Variants in CPN1 observed in about 807,000 individuals in gnomAD.
CPN1 encodes carboxypeptidase N catalytic chain.
CPN1 carries 37 observed loss-of-function variants against 46.4 expected under a neutral mutation model. The ratio of observed to expected loss-of-function variants is 0.80; its 90% confidence interval spans 0.61 to 1.05. The LOEUF is 1.05. Among genes scored for constraint, CPN1 ranks in the 50% least tolerant of loss-of-function variants. The pLI is 0.00. For synonymous variants in CPN1, 224 were observed against 235.4 expected, an observed-to-expected ratio of 0.95 and a Z score of 0.44; for missense variants, 563 against 602.6, an observed-to-expected ratio of 0.93 and a Z score of 0.69.
chr10:100,063,474 G>C (rs2041433082), intron 5 of CPN1, 140 bp downstream of exon 5: 1 of 734,414 alleles, frequency 1.4e-6, no homozygotes, highest in Non-Finnish European at 2.5e-6. Flanking sequence ...GCCAACCTGA[G>C]ACTTCCTCAT....
In CPN1 at chr10:100,057,632, G is replaced by A. The variant is rs556259446; in HGVS notation, c.872-480C>T. On this transcript the variant is annotated intron_variant, in intron 5 of 8. Transcript: ENST00000370418. ...TACTGTGGCGGGTAGGCCTAGTACT[G>A]TAGGGGTAATGAATGAAGCGAATAA... Among the ~76,000 whole-genome samples the A allele has an allele frequency of 5.1e-4, 77 of 152,284 alleles. No homozygotes were observed. The South Asian group carries it at 0.014, about 28-fold the overall frequency.
chr10:100,073,071 T>C (rs1268736231), intron 2 of CPN1, among the ~76,000 whole-genome samples: 2 of 152,224 alleles, frequency 1.3e-5, no homozygotes, highest in Non-Finnish European at 2.9e-5. Context: ...AGATTACATT[T>C]TTTTCTAAGA....
chr10:100,055,012 C>T (rs923706682), intron 6 of CPN1, among the ~76,000 whole-genome samples: 4 of 151,686 alleles, frequency 2.6e-5, no homozygotes, highest in African/African-American at 4.8e-5. Context: ...CCGAGGTGGG[C>T]GGATCACCTG....
chr10:100,065,902 C>A (rs1253817351), intron 3 of CPN1, among the ~76,000 whole-genome samples: 1 of 151,578 alleles, frequency 6.6e-6, no homozygotes, highest in Non-Finnish European at 1.5e-5. Context: ...CCTAAAACTA[C>A]CCTAAAAAAT....
At chr10:100,081,302 G>A (rs2041543343) in intron 1 of CPN1, 101 bp downstream of exon 1, 2 of 965,546 alleles carry the variant, frequency 2.1e-6, no homozygotes, top group Non-Finnish European at 3.2e-6. Context: ...ATACCTTGTA[G>A]GCGGAGGCGT....
intron 8 of CPN1, among the ~76,000 whole-genome samples, chr10:100,044,688 A>T (rs2041297823): frequency 6.7e-6 from 1 of 149,802 alleles, no homozygotes; most frequent in East Asian, 2.0e-4. Context: ...GACATTTTAA[A>T]GCTGGAAACT....
At chr10:100,044,081 A>C (rs1348372919) in intron 8 of CPN1, among the ~76,000 whole-genome samples, 1 of 152,052 alleles carries the variant, frequency 6.6e-6, no homozygotes, top group East Asian at 1.9e-4. Flanking sequence ...GGAGTTAAAA[A>C]ACATGTCACT....
chr10:100,064,333 TTAA>T (rs1399077338), intron 4 of CPN1, among the ~76,000 whole-genome samples: 2 of 149,878 alleles, frequency 1.3e-5, no homozygotes, highest in Non-Finnish European at 3.0e-5. Flanking sequence ...CTTAATATCA[TTAA>T]TGTTTATTTA....
chr10:100,080,633 G>A (rs1343092813), intron 1 of CPN1, among the ~76,000 whole-genome samples: 1 of 152,168 alleles, frequency 6.6e-6, no homozygotes, highest in Non-Finnish European at 1.5e-5. Context: ...GGTGGCTCAC[G>A]CCTGTAATCC....
chr10:100,076,156 C>T (rs761119505), intron 1 of CPN1, 49 bp from the exon 2 acceptor site: 1 of 1,577,010 alleles, frequency 6.3e-7, no homozygotes, highest in Non-Finnish European at 8.7e-7. Flanking sequence ...TCATTGATGC[C>T]TAACCTTGCA....
intron 5 of CPN1, among the ~76,000 whole-genome samples, chr10:100,062,810 A>C: frequency 6.7e-6 from 1 of 149,500 alleles, no homozygotes. Context: ...TATGATGCCC[A>C]GGCTGGTCTC....
chr10:100,080,754 G>T (rs929580366), intron 1 of CPN1, among the ~76,000 whole-genome samples: 1 of 152,096 alleles, frequency 6.6e-6, no homozygotes, highest in Non-Finnish European at 1.5e-5. Context: ...TTAGCCGGGC[G>T]TATTGGTGCA....
Position 100,048,833 on chromosome 10 carries a change from G to T in CPN1, c.1155C>A (p.Tyr385Ter). 1.9e-6 allele frequency: 3 copies of T among 1,613,984 alleles called. No individual in the cohort carries two copies. The African/African-American group carries it at 4.0e-5, about 22-fold the overall frequency. The change falls in exon 8 of 9, where the codon TAC becomes TAA. Residue 385 changes from tyrosine to a stop codon, truncating the protein, a stop_gained. Coordinates refer to ENST00000370418, the MANE Select transcript of CPN1 (RefSeq NM_001308.3). LOFTEE classifies it high-confidence loss of function. ...ACCCAGGTGCTGTGGCACTAACAGT[G>T]TAGATACCTGGAAGCAGCAGCCGGA... ...DYFRLLLPGI[Y>*]TVSATAPGYD...
At chr10:100,078,580 C>T (rs1042853371) in intron 1 of CPN1, among the ~76,000 whole-genome samples, 1 of 152,106 alleles carries the variant, frequency 6.6e-6, no homozygotes, top group African/African-American at 2.4e-5. Flanking sequence ...CTTTGTGGGC[C>T]GTGATGTCTC....
Position 100,047,072 on chromosome 10 carries a change from GA to G in CPN1, c.1230+1685del, listed in dbSNP as rs554255243. 5.7e-3 allele frequency among the ~76,000 whole-genome samples: 781 copies of G among 136,702 alleles called. 3 individuals carry two copies. Among genetic ancestry groups the G allele is most frequent in the Middle Eastern group, 0.046 (12 of 262 alleles). The allele number at this position is 136,702 out of a possible 152,430, so 89.7% of individuals were successfully genotyped here. On this transcript the variant is annotated intron_variant, in intron 8 of 8. Coordinates refer to ENST00000370418, the MANE Select transcript of CPN1 (RefSeq NM_001308.3). ...CTGGGTGGCAGAGCGAGACTCTGTC[GA>G]AAAAAAAAAAAAATTAGCTGGACAT...
intron 8 of CPN1, among the ~76,000 whole-genome samples, chr10:100,047,980 G>A (rs1386591805): frequency 5.9e-5 from 9 of 151,920 alleles, no homozygotes; most frequent in East Asian, 1.9e-4. Flanking sequence ...CAACAAGAGC[G>A]AAACCCCCTC....
At chr10:100,077,039 GC>G (rs1285665660) in intron 1 of CPN1, among the ~76,000 whole-genome samples, 3 of 152,036 alleles carry the variant, frequency 2.0e-5, no homozygotes, top group Non-Finnish European at 4.4e-5. Flanking sequence ...AAAAGCTCTT[GC>G]CAAATGATTT....
In CPN1 at chr10:100,065,342, C is replaced by G; in HGVS notation, c.605G>C (p.Arg202Pro). Reference sequence around the variant, plus strand: ...AACAAAGTTGAAGGAGTGCATCCACCGGATCACCGCCCGGGTCTCGGGTTC... The same window carrying G: ...AACAAAGTTGAAGGAGTGCATCCACGGGATCACCGCCCGGGTCTCGGGTTC... ...QVEPETRAVI[R>P]WMHSFNFVLS... is the part of the protein sequence containing the mutation. Residue 202 changes from arginine to proline, a missense_variant, in exon 4 of 9, where the codon CGG becomes CCG. Physicochemically the swap from Arg to Pro is moderately radical, Grantham distance 103. Coordinates refer to ENST00000370418, the MANE Select transcript of CPN1 (RefSeq NM_001308.3). The G allele has an allele frequency of 1.2e-6, 2 of 1,614,174 alleles. No individual in the cohort carries two copies. The highest frequency in any genetic ancestry group is 1.7e-6 in the Non-Finnish European group (2 of 1,180,034).
In CPN1 at chr10:100,076,062, G is replaced by C; in HGVS notation, c.269C>G (p.Ala90Gly). 6.2e-7 allele frequency: 1 copy of C among 1,614,208 alleles called. No homozygotes were observed. The highest frequency in any genetic ancestry group is 1.3e-5 in the African/African-American group (1 of 75,052). Residue 90 changes from alanine (A) to glycine (G), a missense_variant, in exon 2 of 9, where the codon GCG (alanine) becomes GGG (glycine). Ala to Gly is a moderately conservative substitution (Grantham distance 60). Coordinates refer to ENST00000370418, the MANE Select transcript of CPN1 (RefSeq NM_001308.3). ...KYVGNMHGNE[A>G]LGRELMLQLS... ...CTGCAGCATCAGCTCGCGGCCCAAC[G>C]CTTCGTTGCCGTGCATGTTCCCCAC...
Sources: allele counts gnomAD v4.1 joint callset (sites outside exome capture counted in the v4.1 genomes callset), GRCh38; gene constraint gnomAD v4.1.1; transcripts MANE v1.5; gene names NCBI Gene and HGNC (gene_info 2026-07-23, HGNC 2026-07-21).